The following MRPS33 variants were observed in gnomAD, a reference collection of about 807,000 sequenced individuals.
MRPS33 encodes mitochondrial ribosomal protein S33.
In MRPS33, 11 loss-of-function variants were observed where a neutral mutation model predicts 11.2. That is an observed-to-expected ratio of 0.99 (90% CI 0.62 to 1.63). The LOEUF (loss-of-function observed/expected upper bound fraction) is 1.63, where lower values mean the gene tolerates loss of function less well. Ranked by LOEUF, MRPS33 falls within the 40% of genes most tolerant of loss-of-function variation. The probability of loss-of-function intolerance (pLI) is 0.00; values close to 1 mark genes in which losing one functional copy is unlikely to be tolerated. For missense variants in MRPS33, 109 were observed against 127.8 expected (o/e 0.85, Z 0.71); for synonymous variants, 46 against 44.0 (o/e 1.05, Z -0.18).
intron 1 of MRPS33, among the ~76,000 whole-genome samples, chr7:141,013,633 T>C (rs1820731961): frequency 6.6e-6 from 1 of 152,230 alleles, no homozygotes; most frequent in Non-Finnish European, 1.5e-5. Context: ...GGAGTACAAG[T>C]CACTTTAAGT....
chr7:141,009,823 G>A (rs918819516), intron 2 of MRPS33: 7 of 142,546 alleles, frequency 4.9e-5, no homozygotes, highest in Non-Finnish European at 7.5e-5. Context: ...TTTTTTTCTC[G>A]AGATGGAGTC....
chr7:141,003,604 A>G lies in MRPS33; in HGVS notation c.*2826T>C, dbSNP rs1179784989. The G allele has an allele frequency of 6.6e-6, 1 of 152,244 alleles. No homozygotes were observed. The highest frequency in any genetic ancestry group is 1.5e-5 in the Non-Finnish European group (1 of 68,050). The allele number at this position is 152,244 out of a possible 1,614,324, so 9.4% of individuals were successfully genotyped here. On this transcript the variant is annotated 3_prime_UTR_variant, in exon 3 of 3. Transcript: ENST00000324787. ...GAAGCTCTTCCATCGGCAAACCAAT[A>G]CATCGATTCTTTACTTGTTTTCCGA...
intron 1 of MRPS33, 30 bp from the exon 2 acceptor site, chr7:141,010,690 G>A (rs1415577172): frequency 1.3e-6 from 2 of 1,509,752 alleles, no homozygotes; most frequent in Non-Finnish European, 1.8e-6. Context: ...AGTTAAACAG[G>A]TTAGGGTAAG....
chr7:141,011,851 T>C (rs1469596748), intron 1 of MRPS33, among the ~76,000 whole-genome samples: 1 of 151,970 alleles, frequency 6.6e-6, no homozygotes, highest in Non-Finnish European at 1.5e-5. Context: ...TGTTTCAAGA[T>C]CCATTAACAG....
chr7:141,009,542 C>G (rs1820621265), intron 2 of MRPS33: 2 of 151,990 alleles, frequency 1.3e-5, no homozygotes, highest in Admixed American at 6.6e-5. Context: ...TACGTATTAT[C>G]CTTAAAGGCA....
At chr7:141,008,793 A>G (rs1344703125) in intron 2 of MRPS33, among the ~76,000 whole-genome samples, 1 of 134,464 alleles carries the variant, frequency 7.4e-6, no homozygotes, top group Non-Finnish European at 1.6e-5. Context: ...TTGGTAATTA[A>G]AAAAATAATT....
At position 141,006,098 on chromosome 7, in the gene MRPS33, A is replaced by G; in HGVS notation, c.*332T>C. Reference sequence around the variant, plus strand: ...AAGGGAGAAATGAGGACACTATAGGATGCTCACTTAATGAGGTTTCCCCTC... The same window carrying G: ...AAGGGAGAAATGAGGACACTATAGGGTGCTCACTTAATGAGGTTTCCCCTC... On this transcript the variant is annotated 3_prime_UTR_variant, in exon 3 of 3. Coordinates refer to ENST00000324787, the MANE Select transcript of MRPS33 (RefSeq NM_053035.3). 1 of 304,784 alleles carries G rather than the reference A, an allele frequency of 3.3e-6. No individual in the cohort carries two copies. 18.9% of individuals were successfully genotyped at this position (304,784 alleles called of 1,614,324 possible). A position where few individuals can be genotyped will look rare whatever the true frequency, so the allele number is the denominator to read the frequency against.
intron 1 of MRPS33, among the ~76,000 whole-genome samples, chr7:141,011,328 A>G (rs1820669343): frequency 6.6e-6 from 1 of 152,216 alleles, no homozygotes; most frequent in African/African-American, 2.4e-5. Flanking sequence ...GCACGTATGA[A>G]TTGTAAGGTT....
chr7:141,009,139 T>TA (rs1342787358), intron 2 of MRPS33, among the ~76,000 whole-genome samples: 1 of 151,830 alleles, frequency 6.6e-6, no homozygotes, highest in East Asian at 1.9e-4. Flanking sequence ...ATTTGATTTT[T>TA]TTTTTTTTTT....
rs775296468 is a variant in MRPS33, at chr7:141,010,606, G to A, written c.28C>T (p.Arg10Cys). MSSLSEYAF[R>C]MSRLSARLFG... ...AGCCGGGCACTGAGACGAGACATGC[G>A]GAAGGCATATTCTGAAAGGGAGGAC... The change falls in exon 2 of 3, where the codon CGC becomes TGC. Residue 10 changes from arginine (R) to cysteine (C), a missense_variant. Transcript: ENST00000324787. 1.4e-5 allele frequency: 23 copies of A among 1,614,062 alleles called. No homozygotes were observed. Among genetic ancestry groups the A allele is most frequent in the Middle Eastern group, 1.6e-4 (1 of 6,082 alleles).
At chr7:141,010,747 C>A (rs1338499266) in intron 1 of MRPS33, 87 bp from the exon 2 acceptor site, 4 of 965,130 alleles carry the variant, frequency 4.1e-6, no homozygotes, top group East Asian at 2.5e-5. Context: ...GCAAACACAG[C>A]AAGCCACTCA....
intron 2 of MRPS33, among the ~76,000 whole-genome samples, chr7:141,008,842 T>C (rs1456914736): frequency 1.3e-5 from 2 of 151,564 alleles, no homozygotes; most frequent in Non-Finnish European, 2.9e-5. Flanking sequence ...GCTCTGTTGC[T>C]GGAGTGCAGT....
chr7:141,006,226 G>A lies in MRPS33; in HGVS notation c.*204C>T, dbSNP rs1820521369. 1.7e-6 allele frequency: 1 copy of A among 579,592 alleles called. No individual in the cohort carries two copies. The highest frequency in any genetic ancestry group is 3.1e-6 in the Non-Finnish European group (1 of 326,538). 35.9% of individuals were successfully genotyped at this position (579,592 alleles called of 1,614,324 possible). ...GTAAACCTCACATTACACGGCCAAG[G>A]CCAAGATAATTTTGCACAGTTAGAA... On this transcript the variant is annotated 3_prime_UTR_variant, in exon 3 of 3. Transcript: ENST00000324787.
At chr7:141,012,781 C>T (rs1294292282) in intron 1 of MRPS33, among the ~76,000 whole-genome samples, 1 of 152,138 alleles carries the variant, frequency 6.6e-6, no homozygotes, top group African/African-American at 2.4e-5. Flanking sequence ...AATTCCAAGT[C>T]CCTTTATTTG....
intron 2 of MRPS33, among the ~76,000 whole-genome samples, chr7:141,006,738 G>A (rs1820541433): frequency 6.6e-6 from 1 of 152,128 alleles, no homozygotes; most frequent in South Asian, 2.1e-4. Context: ...TCACTTGTAA[G>A]TCCGTTTCCC....
chr7:141,014,305 A>C (rs1388181609), intron 1 of MRPS33: 2 of 152,226 alleles, frequency 1.3e-5, no homozygotes, highest in African/African-American at 4.8e-5. Flanking sequence ...CAATCTAAAC[A>C]TAAAAACAAT....
rs1820463632 is a variant in MRPS33 at position 141,003,924 on chromosome 7, A to C, written c.*2506T>G. 6.6e-6 allele frequency: 1 copy of C among 152,238 alleles called. No homozygotes were observed. Among genetic ancestry groups the C allele is most frequent in the African/African-American group, 2.4e-5 (1 of 41,458 alleles). The allele number at this position is 152,238 out of a possible 1,614,324, so 9.4% of individuals were successfully genotyped here. A position where few individuals can be genotyped will look rare whatever the true frequency, so the allele number is the denominator to read the frequency against. On this transcript the variant is annotated 3_prime_UTR_variant, in exon 3 of 3. Coordinates refer to ENST00000324787, the MANE Select transcript of MRPS33 (RefSeq NM_053035.3). ...CTTTGTAATACACACATGCTCATTC[A>C]CACAGTCTTAGGGACTAAGTCTATT...
chr7:141,007,453 A>G (rs1482546552), intron 2 of MRPS33, among the ~76,000 whole-genome samples: 1 of 152,206 alleles, frequency 6.6e-6, no homozygotes, highest in Non-Finnish European at 1.5e-5. Context: ...GTGTCCCCAA[A>G]TAATTCTCAA....
intron 2 of MRPS33, among the ~76,000 whole-genome samples, chr7:141,007,375 A>C (rs1300132724): frequency 2.6e-5 from 4 of 152,180 alleles, no homozygotes; most frequent in African/African-American, 9.7e-5. Context: ...TGCTGAGCTT[A>C]AGTTTTAACT....
Sources: gnomAD v4.1 joint callset for allele counts (sites outside exome capture counted in the v4.1 genomes callset) on GRCh38, gnomAD v4.1.1 for gene constraint, MANE v1.5 for transcripts, NCBI Gene and HGNC (gene_info 2026-07-23, HGNC 2026-07-21) for gene names.